Variants in LRBA observed in about 807,000 individuals in gnomAD.
LRBA encodes lipopolysaccharide-responsive and beige-like anchor protein.
Under a neutral mutation model 330.0 loss-of-function variants are expected in LRBA, and 176 were observed. The observed-to-expected ratio is 0.53, with a 90% CI of 0.47 to 0.60. The LOEUF is 0.60. Ranked by LOEUF, LRBA falls within the 20% of genes least tolerant of loss-of-function variation. The pLI, the probability that LRBA is intolerant of heterozygous loss-of-function variation, is 0.00. For missense variants in LRBA, 3,259 were observed against 3,444.8 expected (o/e 0.95, Z 1.35); for synonymous variants, 1,230 against 1,193.0 (o/e 1.03, Z -0.64).
At chr4:151,009,983 AAAATAAATAAATAAATAAAT>A (rs70941466) in intron 2 of LRBA, among the ~76,000 whole-genome samples, 1 of 150,976 alleles carries the variant, frequency 6.6e-6, no homozygotes, top group Non-Finnish European at 1.5e-5. Context: ...CCATCTCAAA[AAAATAAATAAATAAATAAAT>A]AAATAAATAA....
chr4:150,693,725 ACTT>A (rs1246967797), intron 36 of LRBA, among the ~76,000 whole-genome samples: 1 of 152,074 alleles, frequency 6.6e-6, no homozygotes, highest in Non-Finnish European at 1.5e-5. Flanking sequence ...AGGCTAGAAA[ACTT>A]CTCACAAACT....
chr4:150,423,353 G>A, intron 46 of LRBA: 1 of 682,848 alleles, frequency 1.5e-6, no homozygotes, highest in East Asian at 2.5e-5. Flanking sequence ...GAGGCGTCAA[G>A]GGTCTTCTGC....
intron 24 of LRBA, among the ~76,000 whole-genome samples, chr4:150,849,794 A>G (rs148948757): frequency 6.6e-6 from 1 of 152,324 alleles, no homozygotes; most frequent in African/African-American, 2.4e-5. Flanking sequence ...GCTGAAACAT[A>G]AATACTATTC....
chr4:150,788,588 C>T (rs1739428492), intron 34 of LRBA, among the ~76,000 whole-genome samples: 4 of 151,836 alleles, frequency 2.6e-5, no homozygotes, highest in African/African-American at 9.7e-5. Flanking sequence ...TGGTGAAACC[C>T]CGTTTCTACA....
chr4:150,771,133 A>G (rs1736506375), intron 34 of LRBA, among the ~76,000 whole-genome samples: 1 of 152,154 alleles, frequency 6.6e-6, no homozygotes, highest in South Asian at 2.1e-4. Context: ...TAAGACCTCT[A>G]GGCCAGCAGA....
chr4:150,887,089 G>C (rs1729017988), intron 17 of LRBA, among the ~76,000 whole-genome samples: 1 of 152,070 alleles, frequency 6.6e-6, no homozygotes, highest in East Asian at 1.9e-4. Context: ...TCACAATATT[G>C]CATATAATAT....
chr4:150,375,461 CT>C (rs1395776656), intron 47 of LRBA, among the ~76,000 whole-genome samples: 1 of 151,086 alleles, frequency 6.6e-6, no homozygotes, highest in African/African-American at 2.4e-5. Flanking sequence ...TCTCTACTTA[CT>C]TTTTTTTTGT....
intron 47 of LRBA, among the ~76,000 whole-genome samples, chr4:150,371,115 T>G (rs1343597110): frequency 6.6e-6 from 1 of 150,912 alleles, no homozygotes; most frequent in Non-Finnish European, 1.5e-5. Context: ...TGTTCTAGTA[T>G]CAATATTAAT....
In LRBA at chr4:150,286,006, C is replaced by T; in HGVS notation, c.8046G>A (p.Leu2682=). 1 of 1,586,900 alleles carries T rather than the reference C, an allele frequency of 6.3e-7. No homozygotes were observed. Among genetic ancestry groups the T allele is most frequent in the Non-Finnish European group, 8.6e-7 (1 of 1,166,364 alleles). Residue 2682 remains leucine (L), a synonymous_variant, in exon 54 of 57, where the codon TTG becomes TTA. Transcript: ENST00000651943. ...ATGTGACCTCATAGTCATGGCCGGT[C>T]AAAATGGCCCGAGGAGCAGCAGTCT... The part of the protein sequence containing the change: ...GSETAAPRAI[L]TGHDYEVTCA...
chr4:150,657,824 TTAA>T (rs1393946545), intron 37 of LRBA, among the ~76,000 whole-genome samples: 3 of 152,184 alleles, frequency 2.0e-5, no homozygotes, highest in Non-Finnish European at 4.4e-5. Context: ...TTTAACAGTA[TTAA>T]TAATATAAGA....
In LRBA at chr4:150,470,876, C is replaced by CACACACACACACACACACACACCA. The variant is rs1554034850; in HGVS notation, c.6667+747_6667+748insTGGTGTGTGTGTGTGTGTGTGTGT. Among the ~76,000 whole-genome samples the CACACACACACACACACACACACCA allele has an allele frequency of 6.7e-3, 961 of 143,736 alleles. 7 individuals are homozygous for CACACACACACACACACACACACCA. Among genetic ancestry groups the CACACACACACACACACACACACCA allele is most frequent in the Non-Finnish European group, 0.011 (696 of 65,686 alleles). The allele number at this position is 143,736 out of a possible 152,430, so 94.3% of individuals were successfully genotyped here. A position where few individuals can be genotyped will look rare whatever the true frequency, so the allele number is the denominator to read the frequency against. ...ACACACACACACACACACACACACA[C>CACACACACACACACACACACACCA]CACACACTAAATTACTTCCTAACTT... On this transcript the variant is annotated intron_variant, in intron 43 of 56. Coordinates refer to ENST00000651943, the MANE Select transcript of LRBA (RefSeq NM_001364905.1).
intron 47 of LRBA, among the ~76,000 whole-genome samples, chr4:150,410,350 T>C (rs1014101727): frequency 2.0e-5 from 3 of 152,190 alleles, no homozygotes; most frequent in African/African-American, 7.2e-5. Context: ...ATCAACCTTG[T>C]TTTTTCCTGT....
chr4:150,837,885 A>C (rs1461617259), intron 28 of LRBA, among the ~76,000 whole-genome samples: 6 of 152,244 alleles, frequency 3.9e-5, no homozygotes, highest in East Asian at 1.9e-4. Flanking sequence ...TCTTCCTAGC[A>C]TCGATGGTCT....
chr4:150,470,939 T>C (rs1756048739), intron 43 of LRBA, among the ~76,000 whole-genome samples: 1 of 151,686 alleles, frequency 6.6e-6, no homozygotes, highest in Non-Finnish European at 1.5e-5. Context: ...AAATTTATCT[T>C]ACACACACAG....
chr4:150,735,589 CA>C (rs1731079915), intron 35 of LRBA, among the ~76,000 whole-genome samples: 1 of 152,110 alleles, frequency 6.6e-6, no homozygotes, highest in African/African-American at 2.4e-5. Context: ...AGCCATGTAA[CA>C]AAAGCAACTA....
chr4:150,850,713 T>A lies in LRBA; in HGVS notation c.4004+11A>T. 3 of 1,574,886 alleles carry A rather than the reference T, an allele frequency of 1.9e-6. No individual in the cohort carries two copies. The highest frequency in any genetic ancestry group is 2.6e-6 in the Non-Finnish European group (3 of 1,149,388). ...TTATACACATCTTCCATAATAAACA[T>A]ATAGACAAACCTTCTCCACATCTGT... On this transcript the variant is annotated intron_variant, in intron 24 of 56. Coordinates refer to ENST00000651943, the MANE Select transcript of LRBA (RefSeq NM_001364905.1).
At chr4:150,866,589 T>C (rs1436235222) in intron 22 of LRBA, among the ~76,000 whole-genome samples, 2 of 152,232 alleles carry the variant, frequency 1.3e-5, no homozygotes, top group Non-Finnish European at 2.9e-5. Flanking sequence ...AATACGATAC[T>C]TTGGAAAAGA....
chr4:150,469,065 CCTT>C (rs560085452), intron 43 of LRBA, among the ~76,000 whole-genome samples: 147 of 152,128 alleles, frequency 9.7e-4, no homozygotes, highest in African/African-American at 3.2e-3. Flanking sequence ...ACTTCCTTCT[CCTT>C]CTGATTTAAA....
chr4:150,453,487 C>T (rs754448251), intron 44 of LRBA, among the ~76,000 whole-genome samples: 16 of 152,278 alleles, frequency 1.1e-4, no homozygotes, highest in Admixed American at 4.6e-4. Flanking sequence ...TTAACTCTTA[C>T]CATGAACTTA....
Sources: allele counts gnomAD v4.1 joint callset (sites outside exome capture counted in the v4.1 genomes callset), GRCh38; gene constraint gnomAD v4.1.1; transcripts MANE v1.5; gene names NCBI Gene and HGNC (gene_info 2026-07-23, HGNC 2026-07-21).